EIF4G3: variants seen among roughly 807,000 people sequenced by gnomAD.
The protein encoded by EIF4G3 is eukaryotic translation initiation factor 4 gamma 3.
Under a neutral mutation model 186.4 loss-of-function variants are expected in EIF4G3, and 34 were observed. The observed-to-expected ratio is 0.18, with a 90% CI of 0.14 to 0.24. The LOEUF (loss-of-function observed/expected upper bound fraction) is 0.24, where lower values mean the gene tolerates loss of function less well. Among genes scored for constraint, EIF4G3 ranks in the 10% least tolerant of loss-of-function variants. EIF4G3 has a pLI of 1.00. For missense variants in EIF4G3, 1,536 were observed against 1,948.5 expected, an observed-to-expected ratio of 0.79 and a Z score of 3.99; for synonymous variants, 673 against 679.5, an observed-to-expected ratio of 0.99 and a Z score of 0.15.
intron 3 of EIF4G3, among the ~76,000 whole-genome samples, chr1:21,054,071 A>T (rs377009709): frequency 6.6e-6 from 1 of 152,166 alleles, no homozygotes; most frequent in Non-Finnish European, 1.5e-5. Flanking sequence ...GATGGTTGCC[A>T]TGTCTGTGTA....
intron 2 of EIF4G3, among the ~76,000 whole-genome samples, chr1:21,143,657 A>G (rs1214563369): frequency 2.0e-5 from 3 of 152,106 alleles, no homozygotes; most frequent in Admixed American, 2.0e-4. Context: ...ATTTTTCAAA[A>G]ATTTTTATTT....
chr1:21,111,555 G>T, intron 2 of EIF4G3: 1 of 310,964 alleles, frequency 3.2e-6, no homozygotes, highest in Non-Finnish European at 6.4e-6. Context: ...GAGCACCAAC[G>T]GATCTCCTAA....
intron 3 of EIF4G3, among the ~76,000 whole-genome samples, chr1:21,054,476 A>G (rs1443158625): frequency 6.7e-6 from 1 of 149,726 alleles, no homozygotes; most frequent in South Asian, 2.2e-4. Flanking sequence ...TAAAAAAAAA[A>G]AGAAAAGAAA....
At chr1:20,991,680 A>G (rs1373453216) in intron 7 of EIF4G3, among the ~76,000 whole-genome samples, 1 of 152,216 alleles carries the variant, frequency 6.6e-6, no homozygotes, top group Non-Finnish European at 1.5e-5. Context: ...GCACAAGTAC[A>G]GAACATTTTC....
intron 28 of EIF4G3, 80 bp downstream of exon 28, chr1:20,851,178 T>C (rs887865519): frequency 1.5e-6 from 2 of 1,320,978 alleles, no homozygotes; most frequent in African/African-American, 1.5e-5. Flanking sequence ...TTCTAAAATC[T>C]ACTCAGGCAC....
intron 2 of EIF4G3, among the ~76,000 whole-genome samples, chr1:21,098,263 TG>T (rs982399204): frequency 2.0e-5 from 3 of 151,998 alleles, no homozygotes; most frequent in African/African-American, 7.2e-5. Context: ...GAAACTAGGC[TG>T]GGCCCAATGG....
intron 36 of EIF4G3, among the ~76,000 whole-genome samples, chr1:20,808,156 T>C (rs1452086924): frequency 2.0e-5 from 3 of 151,976 alleles, no homozygotes; most frequent in Non-Finnish European, 4.4e-5. Context: ...AGTGCTGGGA[T>C]TACAGGCGTG....
intron 4 of EIF4G3, among the ~76,000 whole-genome samples, chr1:21,007,035 TC>T (rs2085280735): frequency 6.6e-6 from 1 of 152,208 alleles, no homozygotes. Flanking sequence ...AAGATTAAAC[TC>T]AATATTGTAC....
intron 33 of EIF4G3, among the ~76,000 whole-genome samples, chr1:20,819,375 T>C (rs956793849): frequency 4.1e-4 from 62 of 151,846 alleles, no homozygotes; most frequent in African/African-American, 1.5e-3. Context: ...TACAGTGCAG[T>C]GGCACTATCA....
chr1:20,816,178 A>G (rs2060767386), intron 34 of EIF4G3, among the ~76,000 whole-genome samples: 1 of 98,076 alleles, frequency 1.0e-5, no homozygotes, highest in Non-Finnish European at 2.1e-5. Flanking sequence ...CCTACTGGGA[A>G]GTGAGGAGCG....
chr1:21,080,570 C>T (rs1034918293), intron 3 of EIF4G3, among the ~76,000 whole-genome samples: 4 of 152,062 alleles, frequency 2.6e-5, no homozygotes, highest in Non-Finnish European at 2.9e-5. Flanking sequence ...AGTGCAATGG[C>T]GCCATCTCAG....
chr1:20,810,803 G>A lies in EIF4G3; in HGVS notation c.4679C>T (p.Thr1560Ile). The A allele has an allele frequency of 3.7e-6, 6 of 1,614,064 alleles. No homozygotes were observed. Among genetic ancestry groups the A allele is most frequent in the Non-Finnish European group, 5.1e-6 (6 of 1,179,982 alleles). Residue 1560 changes from threonine (T) to isoleucine (I), a missense_variant, in exon 36 of 37, where the codon ACA (threonine) becomes ATA (isoleucine). Thr to Ile is a moderately conservative substitution (Grantham distance 89, BLOSUM62 -1). Coordinates refer to ENST00000602326, the MANE Select transcript of EIF4G3 (RefSeq NM_001391906.1). This position sits in a 1 kb window ranked among gnomAD's most constrained non-coding sequence, Gnocchi z 4.1. ...ATAAAGTGCTTGCAGTTCCTTCTCT[G>A]TATCTGAGTCTAGGTACTTGAGTAA... ...PILLKYLDSD[T>I]EKELQALYAL...
intron 15 of EIF4G3, among the ~76,000 whole-genome samples, chr1:20,903,527 T>C (rs943830354): frequency 2.0e-5 from 3 of 152,202 alleles, no homozygotes; most frequent in Non-Finnish European, 4.4e-5. Context: ...TGGAAGGTAT[T>C]TTATTCTCTG....
At chr1:20,883,604 G>A (rs1403061466) in intron 19 of EIF4G3, among the ~76,000 whole-genome samples, 2 of 151,172 alleles carry the variant, frequency 1.3e-5, no homozygotes, top group East Asian at 3.9e-4. Flanking sequence ...GTGACAGAGC[G>A]AGAGCGAGAC....
chr1:20,923,536 T>C (rs1483948068), intron 14 of EIF4G3, among the ~76,000 whole-genome samples: 1 of 152,170 alleles, frequency 6.6e-6, no homozygotes, highest in Non-Finnish European at 1.5e-5. Flanking sequence ...TGTAATTTAA[T>C]TAGGAAAGAG....
chr1:20,997,585 G>A lies in EIF4G3; in HGVS notation c.177+16C>T, dbSNP rs751838192. On this transcript the variant is annotated intron_variant, in intron 7 of 36. Transcript: ENST00000602326. ...TATTAGTTAAGGGTGATAGTGAAGGGGCAAGGGTACAGTACCTGATGATGG... is the reference window on the plus strand; with the variant it reads ...TATTAGTTAAGGGTGATAGTGAAGGAGCAAGGGTACAGTACCTGATGATGG... 19 of 1,550,008 alleles carry A rather than the reference G, an allele frequency of 1.2e-5. No individual in the cohort carries two copies. Among genetic ancestry groups the A allele is most frequent in the Non-Finnish European group, 1.6e-5 (18 of 1,146,656 alleles).
chr1:20,939,645 A>C (rs1448583032), intron 14 of EIF4G3, among the ~76,000 whole-genome samples: 4 of 152,138 alleles, frequency 2.6e-5, no homozygotes, highest in Admixed American at 2.6e-4. Context: ...TCTTCAACTT[A>C]TATTTCCTAT....
intron 30 of EIF4G3, among the ~76,000 whole-genome samples, chr1:20,833,963 C>A (rs897497921): frequency 6.6e-6 from 1 of 152,034 alleles, no homozygotes; most frequent in African/African-American, 2.4e-5. Context: ...AAAATTTTAA[C>A]GCAGTAAAGT....
intron 30 of EIF4G3, among the ~76,000 whole-genome samples, chr1:20,838,014 A>G (rs2154548877): frequency 6.6e-6 from 1 of 152,310 alleles, no homozygotes; most frequent in East Asian, 1.9e-4. Context: ...ATGGTGAAAC[A>G]TGAAGTAATT....
Sources: gnomAD v4.1 joint callset for allele counts (sites outside exome capture counted in the v4.1 genomes callset) on GRCh38, gnomAD v4.1.1 for gene constraint, Gnocchi (gnomAD v3.1) non-coding constraint, MANE v1.5 for transcripts, NCBI Gene and HGNC (gene_info 2026-07-23, HGNC 2026-07-21) for gene names.